The following FBXL22 variants were observed in gnomAD, a reference collection of about 807,000 sequenced individuals.
FBXL22 encodes F-box and leucine rich repeat protein 22.
A neutral mutation model predicts 11.7 loss-of-function variants in FBXL22; 13 were observed. The ratio of observed to expected loss-of-function variants is 1.11; its 90% confidence interval spans 0.73 to 1.77. The LOEUF is 1.77. Ranked by LOEUF, FBXL22 falls within the 40% of genes most tolerant of loss-of-function variation. The pLI, the probability that FBXL22 is intolerant of heterozygous loss-of-function variation, is 0.00. For missense variants in FBXL22, 406 were observed against 320.4 expected, an observed-to-expected ratio of 1.27 and a Z score of -2.04; for synonymous variants, 160 against 144.1, an observed-to-expected ratio of 1.11 and a Z score of -0.79.
intron 1 of FBXL22, chr15:63,599,192 A>G (rs1475285193): frequency 3.3e-6 from 5 of 1,535,418 alleles, no homozygotes; most frequent in Non-Finnish European, 3.5e-6. Flanking sequence ...CCTGGCACAT[A>G]GTAGGTACTG....
rs1160741629 is a variant in FBXL22 at position 63,599,340 on chromosome 15, A to G, written c.354-1357A>G. The stretch of plus-strand genomic sequence containing the variant: ...TTATTCCAAAGATTCTTAGAAGAAA[A>G]GATCACCCAACACCTTTGAGGCTTA... On this transcript the variant is annotated intron_variant, in intron 1 of 1. Transcript: ENST00000638704. 3 of 1,447,350 alleles carry G rather than the reference A, an allele frequency of 2.1e-6. No homozygotes were observed. The African/African-American group carries it at 4.3e-5, about 21-fold the overall frequency. The allele number at this position is 1,447,350 out of a possible 1,614,324, so 89.7% of individuals were successfully genotyped here.
intron 1 of FBXL22, chr15:63,599,230 T>C (rs1566928772): frequency 2.0e-6 from 3 of 1,535,552 alleles, no homozygotes. Context: ...CTGGTTCTTC[T>C]GGCACTCAGC....
At chr15:63,600,108 T>A (rs541666020) in intron 1 of FBXL22, 5 of 985,730 alleles carry the variant, frequency 5.1e-6, no homozygotes, top group East Asian at 1.1e-4. Context: ...ACCCTACCCT[T>A]TTCCAGGCTG....
Position 63,597,578 on chromosome 15 carries a change from G to C in FBXL22, c.186G>C (p.Lys62Asn), listed in dbSNP as rs746630330. 6.2e-7 allele frequency: 1 copy of C among 1,614,138 alleles called. No homozygotes were observed. Among genetic ancestry groups the C allele is most frequent in the South Asian group, 1.1e-5 (1 of 91,088 alleles). Residue 62 changes from lysine to asparagine, a missense_variant, in exon 1 of 2, where the codon AAG (lysine) becomes AAC (asparagine). Lys to Asn is a moderately conservative substitution (Grantham distance 94). Coordinates refer to ENST00000638704, the MANE Select transcript of FBXL22 (RefSeq NM_001367807.1). The surrounding 1 kb of genome is among the most constrained non-coding windows in gnomAD (Gnocchi z 4.3). ...TCCGTTCCCTCACTGAACTCCAGAA[G>C]GACAACTTCCTCCTGGGCCCGGCAC... ...LHFRSLTELQ[K>N]DNFLLGPALR...
downstream of FBXL22, chr15:63,601,799 A>G (rs1400903819): frequency 5.3e-6 from 7 of 1,313,040 alleles, no homozygotes; most frequent in South Asian, 3.4e-5. Context: ...GATTTGGAAG[A>G]AAAAAAAAGC....
chr15:63,601,319 G>A (rs2152688883), downstream of FBXL22: 1 of 1,593,804 alleles, frequency 6.3e-7, no homozygotes, highest in East Asian at 2.3e-5. Flanking sequence ...CGCTCCCCAC[G>A]GAGGCGGGAG....
chr15:63,600,724 C>G lies in FBXL22; in HGVS notation c.381C>G (p.Leu127=), dbSNP rs1249571545. 2 of 1,231,426 alleles carry G rather than the reference C, an allele frequency of 1.6e-6. No homozygotes were observed. The highest frequency in any genetic ancestry group is 3.1e-5 in the African/African-American group (2 of 64,414). The allele number at this position is 1,231,426 out of a possible 1,614,324, so 76.3% of individuals were successfully genotyped here. ...GCCCCAACCTGGCGTCCGTCACGCT[C>G]TCGGGCTGCGGCCACGTTACCGACG... ...DRCPNLASVT[L]SGCGHVTDDC... is the part of the protein sequence containing the mutation. Residue 127 remains leucine (L), a synonymous_variant, in exon 2 of 2, where the codon CTC becomes CTG. Coordinates refer to ENST00000638704, the MANE Select transcript of FBXL22 (RefSeq NM_001367807.1).
Position 63,597,674 on chromosome 15 carries a change from T to G in FBXL22, c.282T>G (p.Ser94Arg). The change falls in exon 1 of 2, where the codon AGT (serine) becomes AGG (arginine). Residue 94 changes from serine (S) to arginine (R), a missense_variant. Physicochemically the swap from Ser to Arg is moderately radical, Grantham distance 110. Transcript: ENST00000638704. The surrounding 1 kb of genome is among the most constrained non-coding windows in gnomAD (Gnocchi z 4.3). Reference protein sequence around the residue: ...QVCSIEDWLKSAFQRSICSRH... With the variant: ...QVCSIEDWLKRAFQRSICSRH... ...GCAGCATTGAGGACTGGCTCAAGAG[T>G]GCCTTCCAGAGAAGCATCTGCAGCC... The G allele has an allele frequency of 6.2e-7, 1 of 1,604,028 alleles. No individual in the cohort carries two copies. The highest frequency in any genetic ancestry group is 1.1e-5 in the South Asian group (1 of 90,946).
downstream of FBXL22, chr15:63,602,064 G>A (rs2067381055): frequency 4.7e-6 from 1 of 212,278 alleles, no homozygotes; most frequent in East Asian, 1.3e-4. Context: ...GGAGCACTGT[G>A]ATGGGCGCTG....
In FBXL22 at chr15:63,597,557, T is replaced by C; in HGVS notation, c.165T>C (p.Arg55=). The change falls in exon 1 of 2, where the codon CGT becomes CGC. Residue 55 remains arginine, a synonymous_variant. Transcript: ENST00000638704. This position sits in a 1 kb window ranked among gnomAD's most constrained non-coding sequence, Gnocchi z 4.3. The stretch of plus-strand genomic sequence containing the variant: ...CACTCTGGTCCCTGCTGCACTTCCG[T>C]TCCCTCACTGAACTCCAGAAGGACA... ...DPALWSLLHF[R]SLTELQKDNF... 6.2e-7 allele frequency: 1 copy of C among 1,614,144 alleles called. No homozygotes were observed. The highest frequency in any genetic ancestry group is 8.5e-7 in the Non-Finnish European group (1 of 1,180,026).
At chr15:63,606,199 C>T (rs962922969), downstream of FBXL22, among the ~76,000 whole-genome samples, 8 of 152,188 alleles carry the variant, frequency 5.3e-5, no homozygotes, top group Non-Finnish European at 1.2e-4. Context: ...AGAGACTTTC[C>T]CTCCAGCTCT....
At chr15:63,600,375 G>A in intron 1 of FBXL22, 1 of 1,127,912 alleles carries the variant, frequency 8.9e-7, no homozygotes, top group African/African-American at 1.6e-5. Flanking sequence ...AAGGGTTGTG[G>A]CTCCTGGAAC....
intron 1 of FBXL22, 92 bp from the exon 2 acceptor site, chr15:63,600,605 C>A: frequency 8.1e-7 from 1 of 1,230,264 alleles, no homozygotes; most frequent in Non-Finnish European, 1.0e-6. Flanking sequence ...GGGCCCGAGT[C>A]CTCCTCGGTA....
chr15:63,604,539 C>T (rs1454877615), downstream of FBXL22, among the ~76,000 whole-genome samples: 1 of 152,170 alleles, frequency 6.6e-6, no homozygotes, highest in Non-Finnish European at 1.5e-5. Flanking sequence ...TAGGTGCCCC[C>T]AGAAGGTGGG....
rs2067359638 is a variant in FBXL22, at chr15:63,600,891, G to A, written c.548G>A (p.Arg183His). Reference protein sequence around the residue: ...ALQTLHVDFCRNVSAAGLRRL... With the variant: ...ALQTLHVDFCHNVSAAGLRRL... ...CAGACATTGCACGTGGACTTCTGCC[G>A]CAACGTGAGCGCGGCCGGCCTGCGC... Residue 183 changes from arginine (R) to histidine (H), a missense_variant, in exon 2 of 2, where the codon CGC becomes CAC. Transcript: ENST00000638704. The A allele has an allele frequency of 8.2e-7, 1 of 1,225,082 alleles. No individual in the cohort carries two copies. Among genetic ancestry groups the A allele is most frequent in the Non-Finnish European group, 1.0e-6 (1 of 983,462 alleles). 75.9% of individuals were successfully genotyped at this position (1,225,082 alleles called of 1,614,324 possible).
At chr15:63,601,474 CG>C (rs2067370577), downstream of FBXL22, 1 of 1,557,206 alleles carries the variant, frequency 6.4e-7, no homozygotes, top group African/African-American at 1.4e-5. Context: ...GGGGAGCCTC[CG>C]GGCGGAGCGA....
chr15:63,601,931 C>T (rs903315357), downstream of FBXL22: 39 of 542,446 alleles, frequency 7.2e-5, no homozygotes, highest in African/African-American at 1.8e-4. Flanking sequence ...CAAGCCTAGG[C>T]TTCCAATTTG....
downstream of FBXL22, chr15:63,601,291 C>T (rs752132033): frequency 6.4e-6 from 10 of 1,574,582 alleles, no homozygotes; most frequent in Non-Finnish European, 8.6e-6. Flanking sequence ...TTGCTTCCGC[C>T]CCAGGCTTTC....
At chr15:63,606,538 T>C (rs2067413772), downstream of FBXL22, among the ~76,000 whole-genome samples, 1 of 152,010 alleles carries the variant, frequency 6.6e-6, no homozygotes, top group African/African-American at 2.4e-5. Flanking sequence ...GACTTGTGCT[T>C]CCCCCTTTCC....
Sources: gnomAD v4.1 joint callset for allele counts (sites outside exome capture counted in the v4.1 genomes callset) on GRCh38, gnomAD v4.1.1 for gene constraint, Gnocchi (gnomAD v3.1) non-coding constraint, MANE v1.5 for transcripts, NCBI Gene and HGNC (gene_info 2026-07-23, HGNC 2026-07-21) for gene names.